The following LIN7A variants were observed in gnomAD, a reference collection of about 807,000 sequenced individuals.
LIN7A encodes lin-7 cell polarity scaffold A.
A neutral mutation model predicts 29.8 loss-of-function variants in LIN7A; 25 were observed. The ratio of observed to expected loss-of-function variants is 0.84; its 90% confidence interval spans 0.61 to 1.17. LIN7A has a LOEUF of 1.17. LIN7A is among the 50% of genes most tolerant of loss of function. The pLI, the probability that LIN7A is intolerant of heterozygous loss-of-function variation, is 0.00. For synonymous variants in LIN7A, 118 were observed against 107.5 expected, an observed-to-expected ratio of 1.10 and a Z score of -0.60; for missense variants, 239 against 287.0, an observed-to-expected ratio of 0.83 and a Z score of 1.21.
chr12:80,896,485 C>T (rs1006865345), intron 1 of LIN7A, among the ~76,000 whole-genome samples: 3 of 152,078 alleles, frequency 2.0e-5, no homozygotes, highest in South Asian at 2.1e-4. Flanking sequence ...TCTATCACTG[C>T]GATATGAAAG....
In LIN7A at chr12:80,811,682, C is replaced by T. The variant is rs754061145; in HGVS notation, c.485G>A (p.Ser162Asn). The stretch of plus-strand genomic sequence containing the variant: ...TTTCTCATGGTGTTCTCCTTCCACA[C>T]TCTGAAAATACAATGACACTTCTTA... ...GDQLLSVNGV[S>N]VEGEHHEKAV... is the part of the protein sequence containing the mutation. Residue 162 changes from serine to asparagine, a missense_variant and splice_region_variant, in exon 5 of 6, where the codon AGT becomes AAT. By Grantham distance (46) the Ser-to-Asn change is conservative. Coordinates refer to ENST00000552864, the MANE Select transcript of LIN7A (RefSeq NM_004664.4). 1.2e-6 allele frequency: 2 copies of T among 1,605,986 alleles called. No individual in the cohort carries two copies. The highest frequency in any genetic ancestry group is 4.5e-5 in the East Asian group (2 of 44,630).
chr12:80,868,020 C>T (rs1359546662), intron 2 of LIN7A, among the ~76,000 whole-genome samples: 1 of 152,214 alleles, frequency 6.6e-6, no homozygotes, highest in African/African-American at 2.4e-5. Context: ...TGTTACTACA[C>T]TGACAGCAAA....
chr12:80,814,625 C>T (rs1011280562), intron 4 of LIN7A, among the ~76,000 whole-genome samples: 6 of 151,954 alleles, frequency 3.9e-5, no homozygotes, highest in African/African-American at 1.2e-4. Context: ...TAGGCTCTCA[C>T]GGTGGTGGTG....
chr12:80,910,512 A>G (rs1876698787), intron 1 of LIN7A, among the ~76,000 whole-genome samples: 1 of 152,192 alleles, frequency 6.6e-6, no homozygotes, highest in African/African-American at 2.4e-5. Context: ...GATATCTACT[A>G]TAGGTTTCTT....
Position 80,797,290 on chromosome 12 carries a change from G to A in LIN7A, c.*437C>T, listed in dbSNP as rs1870494152. 6.6e-6 allele frequency: 1 copy of A among 152,420 alleles called. No individual in the cohort carries two copies. The highest frequency in any genetic ancestry group is 1.5e-5 in the Non-Finnish European group (1 of 68,044). 9.4% of individuals were successfully genotyped at this position (152,420 alleles called of 1,614,324 possible). ...GGATTGTGGAGCAGGTGAGGGTAAG[G>A]AGCAATGTGTAGGTTTCACTTTGAA... On this transcript the variant is annotated 3_prime_UTR_variant, in exon 6 of 6. Coordinates refer to ENST00000552864, the MANE Select transcript of LIN7A (RefSeq NM_004664.4).
intron 1 of LIN7A, among the ~76,000 whole-genome samples, chr12:80,902,915 G>A (rs1382277786): frequency 1.3e-5 from 2 of 151,866 alleles, no homozygotes; most frequent in Non-Finnish European, 2.9e-5. Context: ...GGAGCAGTAA[G>A]AGTGGGTGGT....
At chr12:80,839,655 C>T (rs1456877343) in intron 4 of LIN7A, among the ~76,000 whole-genome samples, 1 of 152,178 alleles carries the variant, frequency 6.6e-6, no homozygotes, top group Non-Finnish European at 1.5e-5. Context: ...CAGATTTCCC[C>T]TCTGGGATGC....
At chr12:80,922,835 G>A (rs1400573006) in intron 1 of LIN7A, among the ~76,000 whole-genome samples, 1 of 152,044 alleles carries the variant, frequency 6.6e-6, no homozygotes, top group Non-Finnish European at 1.5e-5. Context: ...CTCTGTCCGG[G>A]ACATGAATCA....
intron 2 of LIN7A, among the ~76,000 whole-genome samples, chr12:80,868,762 T>C (rs944661348): frequency 6.6e-6 from 1 of 152,208 alleles, no homozygotes; most frequent in Non-Finnish European, 1.5e-5. Context: ...ATTGCTAAGC[T>C]TTAATTAACT....
intron 2 of LIN7A, among the ~76,000 whole-genome samples, chr12:80,873,840 C>CTGATTT (rs367784095): frequency 4.1e-5 from 6 of 146,760 alleles, no homozygotes; most frequent in African/African-American, 1.5e-4. Flanking sequence ...ACTTGTTTAT[C>CTGATTT]TGATTTTTAT....
chr12:80,860,844 T>A (rs1420278378), intron 2 of LIN7A: 1 of 152,220 alleles, frequency 6.6e-6, no homozygotes, highest in Non-Finnish European at 1.5e-5. Context: ...CATCTGAAAA[T>A]GCTATCTTTG....
At chr12:80,825,113 T>A (rs973570303) in intron 4 of LIN7A, among the ~76,000 whole-genome samples, 3 of 152,130 alleles carry the variant, frequency 2.0e-5, no homozygotes, top group African/African-American at 7.2e-5. Flanking sequence ...AAACCCTAAA[T>A]GTTATTTCTT....
chr12:80,869,698 A>C (rs1004569015), intron 2 of LIN7A, among the ~76,000 whole-genome samples: 1 of 152,160 alleles, frequency 6.6e-6, no homozygotes, highest in Non-Finnish European at 1.5e-5. Context: ...TCAGAGATTT[A>C]AATGTCTATA....
intron 1 of LIN7A, among the ~76,000 whole-genome samples, chr12:80,893,561 A>C (rs1875736425): frequency 6.6e-6 from 1 of 152,312 alleles, no homozygotes; most frequent in East Asian, 1.9e-4. Context: ...TCCTCATAAA[A>C]GATCATTGGG....
intron 1 of LIN7A, among the ~76,000 whole-genome samples, chr12:80,916,311 A>G (rs1370686065): frequency 6.6e-6 from 1 of 152,194 alleles, no homozygotes; most frequent in Non-Finnish European, 1.5e-5. Context: ...AGTCTTTAAA[A>G]TAGTAACCCT....
intron 5 of LIN7A, among the ~76,000 whole-genome samples, chr12:80,807,077 T>TTTTTTTTTG (rs1555221363): frequency 1.7e-5 from 2 of 115,556 alleles, no homozygotes; most frequent in East Asian, 2.6e-4. Flanking sequence ...TTTTTTTTTT[T>TTTTTTTTTG]TTTTTTTTTT....
chr12:80,914,590 C>A (rs1208417618), intron 1 of LIN7A, among the ~76,000 whole-genome samples: 2 of 152,214 alleles, frequency 1.3e-5, no homozygotes, highest in African/African-American at 4.8e-5. Flanking sequence ...TTCACGTTAT[C>A]TTTCATGACT....
intron 5 of LIN7A, among the ~76,000 whole-genome samples, chr12:80,810,861 A>G (rs1189615356): frequency 6.6e-6 from 1 of 152,184 alleles, no homozygotes; most frequent in East Asian, 1.9e-4. Flanking sequence ...GCATTTTTTC[A>G]TATAGCTGTT....
At chr12:80,875,920 A>G (rs1874665942) in intron 2 of LIN7A, among the ~76,000 whole-genome samples, 1 of 152,204 alleles carries the variant, frequency 6.6e-6, no homozygotes, top group Non-Finnish European at 1.5e-5. Flanking sequence ...AGTAGGCTGT[A>G]TTCTATTACA....
Sources: gnomAD v4.1 joint callset for allele counts (sites outside exome capture counted in the v4.1 genomes callset) on GRCh38, gnomAD v4.1.1 for gene constraint, MANE v1.5 for transcripts, NCBI Gene and HGNC (gene_info 2026-07-23, HGNC 2026-07-21) for gene names.